Variants in CDH18 observed in about 807,000 individuals in gnomAD.
CDH18 encodes cadherin-18.
CDH18 carries 31 observed loss-of-function variants against 67.9 expected under a neutral mutation model. The observed-to-expected ratio is 0.46, with a 90% confidence interval of 0.34 to 0.62. The LOEUF (loss-of-function observed/expected upper bound fraction) is 0.62, where lower values mean the gene tolerates loss of function less well. Among genes scored for constraint, CDH18 ranks in the 20% least tolerant of loss-of-function variants. The pLI, the probability that CDH18 is intolerant of heterozygous loss-of-function variation, is 0.01. For synonymous variants in CDH18, 362 were observed against 347.2 expected, an observed-to-expected ratio of 1.04 and a Z score of -0.48; for missense variants, 890 against 975.5, an observed-to-expected ratio of 0.91 and a Z score of 1.17.
chr5:20,285,380 CATATAATATAATATAATATAATATA>C (rs55913504), intron 1 of CDH18, among the ~76,000 whole-genome samples: 17 of 140,378 alleles, frequency 1.2e-4, no homozygotes, highest in East Asian at 4.1e-4. Context: ...GTAATATGGC[CATATAATATAATATAATATAATATA>C]ATATAATATA....
intron 5 of CDH18, among the ~76,000 whole-genome samples, chr5:19,693,384 C>A (rs1762148673): frequency 6.6e-6 from 1 of 152,030 alleles, no homozygotes; most frequent in African/African-American, 2.4e-5. Flanking sequence ...TTAAAAAATT[C>A]AATTATTACA....
intron 2 of CDH18, among the ~76,000 whole-genome samples, chr5:20,054,340 C>T (rs1227087837): frequency 6.6e-6 from 1 of 152,170 alleles, no homozygotes; most frequent in Non-Finnish European, 1.5e-5. Context: ...CTCAGAATGA[C>T]ATTCATGTGC....
chr5:19,715,076 A>G (rs1338581721), intron 5 of CDH18, among the ~76,000 whole-genome samples: 5 of 152,124 alleles, frequency 3.3e-5, no homozygotes, highest in Non-Finnish European at 7.4e-5. Context: ...ATAGATTTTC[A>G]TATGAAATGA....
chr5:19,590,587 C>T (rs150912538), intron 7 of CDH18, among the ~76,000 whole-genome samples: 2 of 152,008 alleles, frequency 1.3e-5, no homozygotes, highest in South Asian at 4.1e-4. Flanking sequence ...AATAAAATAT[C>T]TCAGCCTGTT....
chr5:19,628,069 G>C (rs1303288311), intron 5 of CDH18, among the ~76,000 whole-genome samples: 4 of 152,176 alleles, frequency 2.6e-5, no homozygotes, highest in Non-Finnish European at 5.9e-5. Context: ...CCCACGTGTT[G>C]TGGGAGGGAC....
At chr5:20,201,506 T>G (rs1739444529) in intron 2 of CDH18, among the ~76,000 whole-genome samples, 2 of 151,852 alleles carry the variant, frequency 1.3e-5, no homozygotes, top group African/African-American at 2.4e-5. Flanking sequence ...TTTTTTTTTG[T>G]TTTTGTTTTT....
intron 2 of CDH18, among the ~76,000 whole-genome samples, chr5:19,969,881 T>G (rs886547378): frequency 1.3e-5 from 2 of 152,014 alleles, no homozygotes; most frequent in East Asian, 3.9e-4. Context: ...AAAGAGTTTA[T>G]AAATTAACAC....
chr5:20,440,645 T>C (rs1456156876), intron 1 of CDH18, among the ~76,000 whole-genome samples: 2 of 152,040 alleles, frequency 1.3e-5, no homozygotes, highest in Non-Finnish European at 2.9e-5. Flanking sequence ...CTGTGGTTGA[T>C]AGCTATTTAT....
At chr5:19,924,942 T>G (rs1792927617) in intron 2 of CDH18, among the ~76,000 whole-genome samples, 2 of 152,182 alleles carry the variant, frequency 1.3e-5, no homozygotes. Context: ...AAGGCAGGGA[T>G]TGGGGTACCG....
chr5:19,579,904 C>A (rs1014401928), intron 7 of CDH18, among the ~76,000 whole-genome samples: 1 of 151,560 alleles, frequency 6.6e-6, no homozygotes, highest in Non-Finnish European at 1.5e-5. Context: ...ATCCACCCCC[C>A]CCAAAGAAAT....
intron 1 of CDH18, among the ~76,000 whole-genome samples, chr5:20,448,688 C>T (rs944090343): frequency 7.2e-5 from 11 of 152,116 alleles, no homozygotes; most frequent in Non-Finnish European, 1.5e-4. Flanking sequence ...TTTACAGACA[C>T]GCTTACAGCT....
intron 9 of CDH18, among the ~76,000 whole-genome samples, chr5:19,536,581 A>C (rs1749455781): frequency 6.6e-6 from 1 of 152,182 alleles, no homozygotes; most frequent in African/African-American, 2.4e-5. Flanking sequence ...ATAGGATTGG[A>C]ACTAAATGGA....
intron 1 of CDH18, among the ~76,000 whole-genome samples, chr5:20,373,802 C>A (rs1033194906): frequency 3.9e-5 from 6 of 151,990 alleles, no homozygotes; most frequent in Non-Finnish European, 8.8e-5. Context: ...TCTGTTTGAA[C>A]ATTTCATTTA....
intron 5 of CDH18, among the ~76,000 whole-genome samples, chr5:19,712,987 C>T (rs948979747): frequency 2.0e-5 from 3 of 151,762 alleles, no homozygotes; most frequent in African/African-American, 4.8e-5. Context: ...GGTTTAAAGA[C>T]TAAAGAACAC....
At chr5:20,195,902 T>C (rs1451777524) in intron 2 of CDH18, among the ~76,000 whole-genome samples, 2 of 151,632 alleles carry the variant, frequency 1.3e-5, no homozygotes, top group East Asian at 3.9e-4. Context: ...TTCTTAAAAA[T>C]GTATGGGACT....
At chr5:20,547,693 G>T (rs776826805) in intron 1 of CDH18, among the ~76,000 whole-genome samples, 1 of 152,044 alleles carries the variant, frequency 6.6e-6, no homozygotes, top group East Asian at 1.9e-4. Flanking sequence ...ATAATGAGAA[G>T]ACAATTTGGA....
intron 3 of CDH18, among the ~76,000 whole-genome samples, chr5:19,788,240 G>A (rs2149804789): frequency 6.6e-6 from 1 of 152,238 alleles, no homozygotes; most frequent in Middle Eastern, 3.4e-3. Flanking sequence ...TTTTCTACAT[G>A]AAGCACACAT....
chr5:20,299,717 C>A (rs763578672), intron 1 of CDH18, among the ~76,000 whole-genome samples: 6 of 140,292 alleles, frequency 4.3e-5, no homozygotes, highest in Non-Finnish European at 9.0e-5. Flanking sequence ...AAGATCGCAC[C>A]ACTGTACTCC....
At chr5:19,960,496 C>T (rs751859898) in intron 2 of CDH18, among the ~76,000 whole-genome samples, 13 of 150,900 alleles carry the variant, frequency 8.6e-5, no homozygotes, top group Non-Finnish European at 1.5e-4. Context: ...GATAACAACA[C>T]TTTCTCCTGG....
Sources: allele counts gnomAD v4.1 joint callset (sites outside exome capture counted in the v4.1 genomes callset), GRCh38; gene constraint gnomAD v4.1.1; transcripts MANE v1.5; gene names NCBI Gene and HGNC (gene_info 2026-07-23, HGNC 2026-07-21).